The following GJA3 variants were observed in gnomAD, a reference collection of about 807,000 sequenced individuals.
GJA3 encodes the protein gap junction alpha-3 protein.
For synonymous variants in GJA3, 297 were observed against 292.6 expected (o/e 1.02, Z -0.15); for missense variants, 571 against 620.3 (o/e 0.92, Z 0.84).
Position 20,142,183 on chromosome 13 carries a change from CCCG to C in GJA3, c.1103_1105del (p.Ala368del). 1 of 1,514,170 alleles carries C rather than the reference CCCG, an allele frequency of 6.6e-7. No homozygotes were observed. Among genetic ancestry groups the C allele is most frequent in the Non-Finnish European group, 8.8e-7 (1 of 1,133,324 alleles). 93.8% of individuals were successfully genotyped at this position (1,514,170 alleles called of 1,614,324 possible). On this transcript the variant is annotated inframe_deletion, in exon 2 of 2. Transcript: ENST00000241125. The stretch of plus-strand genomic sequence containing the variant: ...CCCATCCAGCAGCAGGGGCGCCGCG[CCCG>C]CCTCAGCCTCGTGCGCGAGTGGCGG...
intron 1 of GJA3, among the ~76,000 whole-genome samples, chr13:20,158,224 A>G (rs1958916878): frequency 6.6e-6 from 1 of 152,292 alleles, no homozygotes; most frequent in East Asian, 1.9e-4. Context: ...ATGGTATTTT[A>G]TTATTCCACT....
chr13:20,148,995 G>A (rs1023137294), intron 1 of GJA3, among the ~76,000 whole-genome samples: 23 of 152,174 alleles, frequency 1.5e-4, no homozygotes, highest in African/African-American at 5.3e-4. Context: ...TTAGTCGTCT[G>A]AATAACAAAC....
rs748256172 is a variant in GJA3 at position 20,142,766 on chromosome 13, G to A, written c.523C>T (p.Leu175=). The A allele has an allele frequency of 1.9e-6, 3 of 1,613,496 alleles. No individual in the cohort carries two copies. The highest frequency in any genetic ancestry group is 1.7e-6 in the Non-Finnish European group (2 of 1,179,866). ...CGGTCGCAGCGGTAGAGCGGCTTCA[G>A]CTCGAAGCCGTACAGAAAGTACTGG... ...AGQYFLYGFE[L]KPLYRCDRWP... Residue 175 remains leucine, a synonymous_variant, in exon 2 of 2, where the codon CTG becomes TTG. Coordinates refer to ENST00000241125, the MANE Select transcript of GJA3 (RefSeq NM_021954.4).
rs1472901612 is a variant in GJA3, at chr13:20,138,442, T to C, written c.*3539A>G. ...TACTTTCTGGAAACAGTTTGTTGCTTTGAGTGTTATTCAAATCCCTAACTT... is the reference window on the plus strand; with the variant it reads ...TACTTTCTGGAAACAGTTTGTTGCTCTGAGTGTTATTCAAATCCCTAACTT... On this transcript the variant is annotated 3_prime_UTR_variant, in exon 2 of 2. Transcript: ENST00000241125. 1 of 152,216 alleles carries C rather than the reference T, an allele frequency of 6.6e-6. No homozygotes were observed. The highest frequency in any genetic ancestry group is 1.5e-5 in the Non-Finnish European group (1 of 68,032). The allele number at this position is 152,216 out of a possible 1,614,324, so 9.4% of individuals were successfully genotyped here. A position where few individuals can be genotyped will look rare whatever the true frequency, so the allele number is the denominator to read the frequency against.
At position 20,143,000 on chromosome 13, in the gene GJA3, G is replaced by C; in HGVS notation, c.289C>G (p.Leu97Val). The C allele has an allele frequency of 6.2e-7, 1 of 1,605,430 alleles. No homozygotes were observed. The highest frequency in any genetic ancestry group is 8.5e-7 in the Non-Finnish European group (1 of 1,175,790). The change falls in exon 2 of 2, where the codon CTG (leucine) becomes GTG (valine). Residue 97 changes from leucine to valine, a missense_variant. Leu to Val is a conservative substitution (Grantham distance 32, BLOSUM62 1). Coordinates refer to ENST00000241125, the MANE Select transcript of GJA3 (RefSeq NM_021954.4). ...TTCTCTTCCATGCGCACGATGTGCA[G>C]CACGTGGCCCAGGTAGATGAGGGTG... is the stretch of plus-strand genomic sequence containing the variant. The part of the protein sequence containing the change: ...TPTLIYLGHV[L>V]HIVRMEEKKK...
intron 1 of GJA3, among the ~76,000 whole-genome samples, chr13:20,160,281 C>T (rs7984378): frequency 0.5 from 75,322 of 152,030 alleles, 19,361 homozygotes; most frequent in Non-Finnish European, 0.55. Context: ...GTCGAGAAAT[C>T]TGGTCGTGGC....
Position 20,143,033 on chromosome 13 carries a change from A to C in GJA3, c.256T>G (p.Ser86Ala). The change falls in exon 2 of 2, where the codon TCC becomes GCC. Residue 86 changes from serine (S) to alanine (A), a missense_variant. Transcript: ENST00000241125. Reference sequence around the variant, plus strand: ...CCCAGGTAGATGAGGGTGGGCGTGGACACGAAGATGATCTGCAGCGCCCAG... The same window carrying C: ...CCCAGGTAGATGAGGGTGGGCGTGGCCACGAAGATGATCTGCAGCGCCCAG... The part of the protein sequence containing the change: ...RFWALQIIFV[S>A]TPTLIYLGHV... 6.2e-7 allele frequency: 1 copy of C among 1,612,934 alleles called. No homozygotes were observed. Among genetic ancestry groups the C allele is most frequent in the Non-Finnish European group, 8.5e-7 (1 of 1,179,520 alleles).
At chr13:20,149,055 G>A (rs1958861227) in intron 1 of GJA3, among the ~76,000 whole-genome samples, 1 of 152,178 alleles carries the variant, frequency 6.6e-6, no homozygotes, top group Non-Finnish European at 1.5e-5. Flanking sequence ...TCTTTGAAAA[G>A]TTACGTTTTC....
At chr13:20,158,766 G>A (rs1958919677) in intron 1 of GJA3, among the ~76,000 whole-genome samples, 1 of 151,836 alleles carries the variant, frequency 6.6e-6, no homozygotes, top group African/African-American at 2.4e-5. Flanking sequence ...ACAAAAATTA[G>A]CCAGGCGTGG....
chr13:20,146,818 G>T (rs1958845246), intron 1 of GJA3, among the ~76,000 whole-genome samples: 1 of 152,250 alleles, frequency 6.6e-6, no homozygotes, highest in Non-Finnish European at 1.5e-5. Flanking sequence ...ATATTGTGAT[G>T]TTACCCATAA....
chr13:20,149,313 C>T (rs893332080), intron 1 of GJA3, among the ~76,000 whole-genome samples: 3 of 151,924 alleles, frequency 2.0e-5, no homozygotes, highest in East Asian at 1.9e-4. Context: ...GGCAACATAG[C>T]GAGACTTCCT....
chr13:20,147,961 C>T (rs543452771), intron 1 of GJA3, among the ~76,000 whole-genome samples: 101 of 152,220 alleles, frequency 6.6e-4, no homozygotes, highest in African/African-American at 2.3e-3. Flanking sequence ...AGCAGTTTCC[C>T]CAACAGACTC....
At chr13:20,154,025 C>G (rs990623533) in intron 1 of GJA3, among the ~76,000 whole-genome samples, 2 of 152,206 alleles carry the variant, frequency 1.3e-5, no homozygotes, top group African/African-American at 4.8e-5. Flanking sequence ...TCTAGATATA[C>G]AGCACTTGGT....
chr13:20,140,271 C>G lies in GJA3; in HGVS notation c.*1710G>C, dbSNP rs1958799676. ...AGCCTAGGAGCCTGTCCAGTGCATC[C>G]TACAGCAAGCAGAATGTACTAACAA... On this transcript the variant is annotated 3_prime_UTR_variant, in exon 2 of 2. Coordinates refer to ENST00000241125, the MANE Select transcript of GJA3 (RefSeq NM_021954.4). 1 of 152,062 alleles carries G rather than the reference C, an allele frequency of 6.6e-6. No individual in the cohort carries two copies. Among genetic ancestry groups the G allele is most frequent in the Non-Finnish European group, 1.5e-5 (1 of 68,020 alleles). The allele number at this position is 152,062 out of a possible 1,614,324, so 9.4% of individuals were successfully genotyped here.
intron 1 of GJA3, among the ~76,000 whole-genome samples, chr13:20,150,417 T>C (rs1958870026): frequency 1.3e-5 from 2 of 151,406 alleles, no homozygotes; most frequent in African/African-American, 4.9e-5. Context: ...GGTCTGGCAG[T>C]GTGGGGACTA....
chr13:20,154,249 C>T (rs1052729462), intron 1 of GJA3, among the ~76,000 whole-genome samples: 7 of 152,216 alleles, frequency 4.6e-5, no homozygotes, highest in Non-Finnish European at 1.0e-4. Flanking sequence ...GGCTTCACTG[C>T]TGCGACACTT....
intron 1 of GJA3, among the ~76,000 whole-genome samples, chr13:20,153,088 CTG>C (rs1958888041): frequency 6.6e-6 from 1 of 152,216 alleles, no homozygotes; most frequent in African/African-American, 2.4e-5. Flanking sequence ...CACCTAAAGA[CTG>C]TAATTTCCAG....
intron 1 of GJA3, among the ~76,000 whole-genome samples, chr13:20,152,629 C>G (rs1958885309): frequency 6.6e-6 from 1 of 152,188 alleles, no homozygotes; most frequent in Non-Finnish European, 1.5e-5. Flanking sequence ...GGTGATTTGC[C>G]TGCCTTGGTC....
intron 1 of GJA3, 70 bp from the exon 2 acceptor site, chr13:20,143,375 CG>C: frequency 9.1e-7 from 1 of 1,103,356 alleles, no homozygotes; most frequent in Non-Finnish European, 1.3e-6. Context: ...CCATGGGCGG[CG>C]GCAGCGGCCT....
Sources: gnomAD v4.1 joint callset for allele counts (sites outside exome capture counted in the v4.1 genomes callset) on GRCh38, gnomAD v4.1.1 for gene constraint, MANE v1.5 for transcripts, NCBI Gene and HGNC (gene_info 2026-07-23, HGNC 2026-07-21) for gene names.